LIMCH1: variants seen among roughly 807,000 people sequenced by gnomAD.
LIMCH1 encodes LIM and calponin homology domains-containing protein 1.
Under a neutral mutation model 176.5 loss-of-function variants are expected in LIMCH1, and 113 were observed. That is an observed-to-expected ratio of 0.64 (90% CI 0.55 to 0.75). The LOEUF is 0.75. Ranked by LOEUF, LIMCH1 falls within the 30% of genes least tolerant of loss-of-function variation. LIMCH1 has a pLI of 0.00. For synonymous variants in LIMCH1, 619 were observed against 645.9 expected (o/e 0.96, Z 0.63); for missense variants, 1,674 against 1,814.9 (o/e 0.92, Z 1.41).
intron 10 of LIMCH1, among the ~76,000 whole-genome samples, chr4:41,632,224 C>G (rs1296092191): frequency 6.6e-5 from 10 of 152,166 alleles, no homozygotes; most frequent in Admixed American, 4.6e-4. Flanking sequence ...AACCTCCATT[C>G]CCTCTGTACA....
upstream of LIMCH1, among the ~76,000 whole-genome samples, chr4:41,534,700 AT>A (rs139513362): frequency 0.13 from 20,288 of 150,690 alleles, 1,466 homozygotes; most frequent in Non-Finnish European, 0.17. Context: ...ATGAAGACAT[AT>A]TTTTTTTTTC....
chr4:41,413,975 A>G (rs13146097), intron 1 of LIMCH1, among the ~76,000 whole-genome samples: 41,128 of 152,142 alleles, frequency 0.27, 6,297 homozygotes, highest in South Asian at 0.4. Context: ...GCCTTTCTCC[A>G]GCCTGGTAGA....
chr4:41,372,514 C>G (rs536786416), intron 1 of LIMCH1, among the ~76,000 whole-genome samples: 2 of 152,316 alleles, frequency 1.3e-5, no homozygotes, highest in Admixed American at 1.3e-4. Flanking sequence ...TAGTATCTCT[C>G]ACACACTTAC....
intron 30 of LIMCH1, among the ~76,000 whole-genome samples, chr4:41,689,973 T>C (rs566305829): frequency 6.6e-6 from 1 of 152,342 alleles, no homozygotes; most frequent in African/African-American, 2.4e-5. Context: ...TGGAATGTAA[T>C]GTCTATGCTG....
chr4:41,433,201 C>A (rs1271955082), intron 1 of LIMCH1, among the ~76,000 whole-genome samples: 1 of 152,184 alleles, frequency 6.6e-6, no homozygotes, highest in Admixed American at 6.5e-5. Flanking sequence ...CACAACAAAA[C>A]CCTTGCAAAT....
chr4:41,472,776 GTATTT>G (rs1336694711), intron 1 of LIMCH1, among the ~76,000 whole-genome samples: 2 of 152,114 alleles, frequency 1.3e-5, no homozygotes, highest in African/African-American at 4.8e-5. Context: ...TTGGGAAACA[GTATTT>G]TATCCCCCTC....
intron 1 of LIMCH1, among the ~76,000 whole-genome samples, chr4:41,596,307 G>C (rs1256355300): frequency 6.7e-6 from 1 of 148,180 alleles, no homozygotes; most frequent in Non-Finnish European, 1.5e-5. Flanking sequence ...AAAATTCCAG[G>C]GAGAAAATTT....
intron 14 of LIMCH1, among the ~76,000 whole-genome samples, chr4:41,641,699 T>C (rs2093830318): frequency 6.6e-6 from 1 of 152,230 alleles, no homozygotes; most frequent in Admixed American, 6.5e-5. Context: ...AATAATTTTG[T>C]GCATGAAACA....
intron 23 of LIMCH1, among the ~76,000 whole-genome samples, chr4:41,679,181 C>T (rs780846479): frequency 7.9e-5 from 12 of 152,158 alleles, no homozygotes; most frequent in Admixed American, 2.6e-4. Flanking sequence ...TATCTGAGTG[C>T]GTGAACCACA....
Position 41,620,812 on chromosome 4 carries a change from T to C in LIMCH1, c.725+122T>C, listed in dbSNP as rs1463723732. On this transcript the variant is annotated intron_variant, in intron 7 of 31. Coordinates refer to ENST00000503057, the MANE Select transcript of LIMCH1 (RefSeq NM_001330672.2). ...CTTCCCGCTTTTCCTATTGCATCACTGTTCCCTGCTCTGAGCACGTAGATG... is the reference window on the plus strand; with the variant it reads ...CTTCCCGCTTTTCCTATTGCATCACCGTTCCCTGCTCTGAGCACGTAGATG... 9 of 1,124,468 alleles carry C rather than the reference T, an allele frequency of 8.0e-6. No homozygotes were observed. In the Admixed American group the frequency reaches 8.3e-5, roughly 10 times the overall value. 69.7% of individuals were successfully genotyped at this position (1,124,468 alleles called of 1,614,324 possible).
At chr4:41,613,339 T>G in intron 4 of LIMCH1, 127 bp from the exon 5 acceptor site, 1 of 844,734 alleles carries the variant, frequency 1.2e-6, no homozygotes. Context: ...ATCCTGTAAC[T>G]GGTTTCCACA....
At chr4:41,685,967 CAAGG>C in intron 28 of LIMCH1, 137 bp downstream of exon 28, 1 of 869,654 alleles carries the variant, frequency 1.1e-6, no homozygotes, top group Non-Finnish European at 1.7e-6. Flanking sequence ...ATCTCATTGA[CAAGG>C]TAGTCAATAT....
chr4:41,613,741 G>T (rs1248273445), intron 5 of LIMCH1, 80 bp downstream of exon 5: 19 of 1,240,178 alleles, frequency 1.5e-5, no homozygotes, highest in Non-Finnish European at 2.2e-5. Flanking sequence ...AGAGGGATGG[G>T]CACTGGGAAA....
intron 1 of LIMCH1, among the ~76,000 whole-genome samples, chr4:41,546,506 A>G (rs1482861115): frequency 6.6e-6 from 1 of 151,494 alleles, no homozygotes. Context: ...ATGCTTGCCT[A>G]TCTATAGAAT....
In LIMCH1 at chr4:41,412,544, GAA is replaced by G. The variant is rs2059587952; in HGVS notation, c.96+51609_96+51610del. On this transcript the variant is annotated intron_variant, in intron 1 of 26. Transcript: ENST00000313860. ...ATATTTAGGGCAGTATTTAAAAAAA[GAA>G]TATAGTAATTGGGTCAGTTTATATA... Among the ~76,000 whole-genome samples, 3 of 152,178 alleles carry G rather than the reference GAA, an allele frequency of 2.0e-5. No homozygotes were observed. The South Asian group carries it at 6.2e-4, about 32-fold the overall frequency.
At chr4:41,541,316 C>T (rs2078615955) in intron 1 of LIMCH1, among the ~76,000 whole-genome samples, 1 of 141,504 alleles carries the variant, frequency 7.1e-6, no homozygotes. Context: ...AGGCTGGATT[C>T]CTTTGGCATC....
intron 1 of LIMCH1, among the ~76,000 whole-genome samples, chr4:41,394,768 A>G (rs912442912): frequency 6.6e-6 from 1 of 152,196 alleles, no homozygotes; most frequent in Admixed American, 6.5e-5. Flanking sequence ...TTCATAGAGC[A>G]TCTTTCGTGG....
intron 27 of LIMCH1, among the ~76,000 whole-genome samples, chr4:41,685,000 C>T (rs1013179457): frequency 6.6e-6 from 1 of 152,062 alleles, no homozygotes; most frequent in African/African-American, 2.4e-5. Context: ...ATGTATTCCT[C>T]GCAAAAATGA....
intron 4 of LIMCH1, among the ~76,000 whole-genome samples, chr4:41,608,776 A>G (rs1217859235): frequency 6.6e-6 from 1 of 152,186 alleles, no homozygotes; most frequent in Non-Finnish European, 1.5e-5. Context: ...TCAGCTGAAC[A>G]AAGAGGATTT....
Sources: allele counts gnomAD v4.1 joint callset (sites outside exome capture counted in the v4.1 genomes callset), GRCh38; gene constraint gnomAD v4.1.1; transcripts MANE v1.5; gene names NCBI Gene and HGNC (gene_info 2026-07-23, HGNC 2026-07-21).